UTRN: variants seen among roughly 807,000 people sequenced by gnomAD.
UTRN encodes the protein dystrophin-related protein 1.
UTRN carries 283 observed loss-of-function variants against 463.9 expected under a neutral mutation model. The ratio of observed to expected loss-of-function variants is 0.61; its 90% CI spans 0.55 to 0.67. The LOEUF (loss-of-function observed/expected upper bound fraction) is 0.67. Among genes scored for constraint, UTRN ranks in the 30% least tolerant of loss-of-function variants. The probability of loss-of-function intolerance (pLI) is 0.00; values close to 1 mark genes in which losing one functional copy is unlikely to be tolerated. For missense variants in UTRN, 3,922 were observed against 4,084.3 expected (o/e 0.96, Z 1.08); for synonymous variants, 1,442 against 1,431.5 (o/e 1.01, Z -0.17).
intron 54 of UTRN, among the ~76,000 whole-genome samples, chr6:144,734,232 A>C (rs1163708959): frequency 6.6e-6 from 1 of 152,160 alleles, no homozygotes; most frequent in Non-Finnish European, 1.5e-5. Context: ...ATTTTCAAAA[A>C]AGGAAACAAG....
chr6:144,547,800 CT>C lies in UTRN; in HGVS notation c.6596-836del, dbSNP rs1321590826. Among the ~76,000 whole-genome samples the C allele has an allele frequency of 2.0e-5, 3 of 152,124 alleles. No homozygotes were observed. The East Asian group carries it at 5.8e-4, about 29-fold the overall frequency. On this transcript the variant is annotated intron_variant, in intron 46 of 74. Coordinates refer to ENST00000367545, the MANE Select transcript of UTRN (RefSeq NM_007124.3). ...AAAAATAATTTGACTGTTTTTTGTC[CT>C]TTTCTCTTCAATATTAATTTTATAA...
rs77443771 is a variant in UTRN, at chr6:144,678,727, T to C, written c.7652+149T>C. ...AGATTTTAATGCAAAGCCTGTTTCCTTGAGTTATATAGTTCAAGCTCTATT... is the reference window on the plus strand; with the variant it reads ...AGATTTTAATGCAAAGCCTGTTTCCCTGAGTTATATAGTTCAAGCTCTATT... On this transcript the variant is annotated intron_variant, in intron 52 of 74. Transcript: ENST00000367545. The C allele has an allele frequency of 3.8e-3, 2,904 of 765,752 alleles. 116 individuals carry two copies. The East Asian group carries it at 0.067, about 18-fold the overall frequency. 47.4% of individuals were successfully genotyped at this position (765,752 alleles called of 1,614,324 possible). A position where few individuals can be genotyped will look rare whatever the true frequency, so the allele number is the denominator to read the frequency against.
chr6:144,339,450 GC>G (rs1776972129), intron 2 of UTRN, among the ~76,000 whole-genome samples: 1 of 152,100 alleles, frequency 6.6e-6, no homozygotes, highest in Admixed American at 6.5e-5. Context: ...TCATAGATTT[GC>G]ATCTATGTGA....
At chr6:144,389,190 A>G (rs1481297402) in intron 2 of UTRN, among the ~76,000 whole-genome samples, 1 of 152,204 alleles carries the variant, frequency 6.6e-6, no homozygotes, top group African/African-American at 2.4e-5. Context: ...CTTCCAGGTC[A>G]TAGGTTAATA....
chr6:144,831,304 G>T (rs1220799528), intron 69 of UTRN, among the ~76,000 whole-genome samples: 1 of 152,122 alleles, frequency 6.6e-6, no homozygotes, highest in African/African-American at 2.4e-5. Context: ...GATGGCCCCA[G>T]TGTAATCCCA....
chr6:144,332,682 AAG>A (rs1474625283), intron 2 of UTRN, among the ~76,000 whole-genome samples: 3 of 152,144 alleles, frequency 2.0e-5, no homozygotes, highest in African/African-American at 7.2e-5. Flanking sequence ...AAATTGAACA[AAG>A]AGTATCATTA....
At chr6:144,510,590 G>A (rs764954686) in intron 34 of UTRN, among the ~76,000 whole-genome samples, 2 of 152,058 alleles carry the variant, frequency 1.3e-5, no homozygotes, top group South Asian at 2.1e-4. Context: ...CCAGCTTGTA[G>A]TTACTGAAAA....
intron 20 of UTRN, 80 bp downstream of exon 20, chr6:144,459,091 T>C: frequency 6.4e-7 from 1 of 1,564,134 alleles, no homozygotes; most frequent in Admixed American, 1.9e-5. Flanking sequence ...TATCATGAAC[T>C]TTAAGTTAAT....
intron 17 of UTRN, 106 bp from the exon 18 acceptor site, chr6:144,451,264 T>A: frequency 1.5e-6 from 2 of 1,323,286 alleles, no homozygotes; most frequent in Non-Finnish European, 2.0e-6. Context: ...TTTGGGGGAG[T>A]GATAAAAAGA....
chr6:144,575,326 C>A (rs999516233), intron 50 of UTRN, among the ~76,000 whole-genome samples: 1 of 152,120 alleles, frequency 6.6e-6, no homozygotes, highest in Non-Finnish European at 1.5e-5. Flanking sequence ...CCAAAAATAA[C>A]TGTTTGAATA....
At chr6:144,308,976 AC>A (rs564299149) in intron 2 of UTRN, among the ~76,000 whole-genome samples, 98 of 152,238 alleles carry the variant, frequency 6.4e-4, no homozygotes, top group African/African-American at 2.2e-3. Flanking sequence ...CAGACCCCCT[AC>A]CAGTCCAGTA....
At chr6:144,720,179 C>T (rs556963875) in intron 53 of UTRN, among the ~76,000 whole-genome samples, 3 of 152,324 alleles carry the variant, frequency 2.0e-5, no homozygotes, top group East Asian at 3.9e-4. Flanking sequence ...TGAGCTGATG[C>T]CATGCTCATG....
rs558274443 is a variant in UTRN at position 144,752,027 on chromosome 6, A to C, written c.8355+75A>C. 9.7e-6 allele frequency: 13 copies of C among 1,342,934 alleles called. No individual in the cohort carries two copies. The East Asian group carries it at 3.5e-4, about 36-fold the overall frequency. 83.2% of individuals were successfully genotyped at this position (1,342,934 alleles called of 1,614,324 possible). A position where few individuals can be genotyped will look rare whatever the true frequency, so the allele number is the denominator to read the frequency against. On this transcript the variant is annotated intron_variant, in intron 56 of 74. Coordinates refer to ENST00000367545, the MANE Select transcript of UTRN (RefSeq NM_007124.3). Reference sequence around the variant, plus strand: ...TTAAACCCTACCTCACTATATTACCACTCACCGTTTTCTCTTTCTTTGCTG... The same window carrying C: ...TTAAACCCTACCTCACTATATTACCCCTCACCGTTTTCTCTTTCTTTGCTG...
intron 51 of UTRN, among the ~76,000 whole-genome samples, chr6:144,586,191 T>A (rs901920180): frequency 7.2e-5 from 11 of 152,112 alleles, no homozygotes; most frequent in African/African-American, 2.7e-4. Flanking sequence ...GTGGGTTTTC[T>A]TGTATGTTTC....
chr6:144,498,404 A>G (rs1367180138), intron 33 of UTRN, among the ~76,000 whole-genome samples: 3 of 152,254 alleles, frequency 2.0e-5, no homozygotes. Context: ...TCTGTCAACA[A>G]CAATGAGAGC....
At chr6:144,449,905 TA>T (rs1264225480) in intron 17 of UTRN, among the ~76,000 whole-genome samples, 4 of 152,182 alleles carry the variant, frequency 2.6e-5, no homozygotes, top group Non-Finnish European at 4.4e-5. Flanking sequence ...CCTTCATCTC[TA>T]AAGGGGATAA....
intron 51 of UTRN, among the ~76,000 whole-genome samples, chr6:144,662,413 G>A (rs542171139): frequency 1.3e-5 from 2 of 152,314 alleles, no homozygotes; most frequent in East Asian, 3.9e-4. Flanking sequence ...GAAGCCACAG[G>A]ATCCCTTCAG....
At chr6:144,448,837 T>C (rs1045305708) in intron 17 of UTRN, 68 bp downstream of exon 17, 3 of 1,525,162 alleles carry the variant, frequency 2.0e-6, no homozygotes, top group Non-Finnish European at 2.7e-6. Context: ...TTGGTGCCTA[T>C]TTTGTACTAA....
At chr6:144,580,093 C>T (rs1801819752) in intron 51 of UTRN, among the ~76,000 whole-genome samples, 1 of 152,076 alleles carries the variant, frequency 6.6e-6, no homozygotes, top group Admixed American at 6.5e-5. Context: ...AATGATTCTC[C>T]TTTTGTATGA....
Sources: gnomAD v4.1 joint callset for allele counts (sites outside exome capture counted in the v4.1 genomes callset) on GRCh38, gnomAD v4.1.1 for gene constraint, MANE v1.5 for transcripts, NCBI Gene and HGNC (gene_info 2026-07-23, HGNC 2026-07-21) for gene names.